Variants in UBE2R2 observed in about 807,000 individuals in gnomAD.
UBE2R2 encodes the protein ubiquitin conjugating enzyme E2 R2.
UBE2R2 carries 1 observed loss-of-function variant against 27.8 expected under a neutral mutation model. The ratio of observed to expected loss-of-function variants is 0.04; its 90% CI spans 0.01 to 0.17. The LOEUF (loss-of-function observed/expected upper bound fraction) is 0.17. UBE2R2 is among the 10% of genes least tolerant of loss of function. UBE2R2 has a pLI of 1.00. For missense variants in UBE2R2, 100 were observed against 291.0 expected (o/e 0.34, Z 4.78); for synonymous variants, 106 against 113.3 (o/e 0.94, Z 0.41).
intron 1 of UBE2R2, among the ~76,000 whole-genome samples, chr9:33,819,496 A>G (rs1825924059): frequency 6.6e-6 from 1 of 152,234 alleles, no homozygotes; most frequent in African/African-American, 2.4e-5. Flanking sequence ...GGTATTTAAA[A>G]TTACTAAGAA....
At position 33,839,426 on chromosome 9, in the gene UBE2R2, C is replaced by T. The variant is rs968821115; in HGVS notation, c.177+21492C>T. Among the ~76,000 whole-genome samples the T allele has an allele frequency of 2.4e-4, 37 of 152,008 alleles. 1 individual carries two copies. The highest frequency in any genetic ancestry group is 1.1e-3 in the Admixed American group (17 of 15,236). ...CTAATTTTTGTATTTTTAGTAGAGACGGAGTTTCGCCATGATGGCCAGGCT... is the reference window on the plus strand; with the variant it reads ...CTAATTTTTGTATTTTTAGTAGAGATGGAGTTTCGCCATGATGGCCAGGCT... On this transcript the variant is annotated intron_variant, in intron 1 of 4. Transcript: ENST00000263228.
At chr9:33,833,251 C>T (rs1280162124) in intron 1 of UBE2R2, among the ~76,000 whole-genome samples, 1 of 152,040 alleles carries the variant, frequency 6.6e-6, no homozygotes, top group Non-Finnish European at 1.5e-5. Flanking sequence ...ATTTTTAGTA[C>T]AGACGGGGTT....
At position 33,870,688 on chromosome 9, in the gene UBE2R2, C is replaced by T. The variant is rs7855920; in HGVS notation, c.178-16193C>T. ...TCATAGATGACTGGAAAATTATCTA[C>T]TCCTCAATAAATAGGTCATATGCAT... On this transcript the variant is annotated intron_variant, in intron 1 of 4. Coordinates refer to ENST00000263228, the MANE Select transcript of UBE2R2 (RefSeq NM_017811.4). Among the ~76,000 whole-genome samples, 6 of 152,198 alleles carry T rather than the reference C, an allele frequency of 3.9e-5. No individual in the cohort carries two copies. In the East Asian group the frequency reaches 1.2e-3, roughly 29 times the overall value.
chr9:33,819,114 A>AT (rs1321175006), intron 1 of UBE2R2, among the ~76,000 whole-genome samples: 2 of 152,060 alleles, frequency 1.3e-5, no homozygotes, highest in Non-Finnish European at 2.9e-5. Context: ...ATTTAGTTTT[A>AT]TTTTTTTATT....
intron 3 of UBE2R2, among the ~76,000 whole-genome samples, chr9:33,907,625 G>A (rs1164259209): frequency 1.3e-5 from 2 of 152,130 alleles, no homozygotes; most frequent in Non-Finnish European, 2.9e-5. Context: ...TCTTGTGGAG[G>A]GGCGGGGAAA....
chr9:33,871,624 G>A (rs757702643), intron 1 of UBE2R2, among the ~76,000 whole-genome samples: 2 of 152,210 alleles, frequency 1.3e-5, no homozygotes, highest in Non-Finnish European at 2.9e-5. Flanking sequence ...CAAAAAAGAT[G>A]TAAGGAGTTG....
At chr9:33,907,658 T>G (rs532886203) in intron 3 of UBE2R2, among the ~76,000 whole-genome samples, 17 of 152,258 alleles carry the variant, frequency 1.1e-4, no homozygotes, top group African/African-American at 4.1e-4. Flanking sequence ...ACAGTTATTC[T>G]TTATAGGAAC....
At chr9:33,871,401 G>A (rs1272959271) in intron 1 of UBE2R2, among the ~76,000 whole-genome samples, 1 of 152,108 alleles carries the variant, frequency 6.6e-6, no homozygotes, top group Non-Finnish European at 1.5e-5. Flanking sequence ...TTCATTGAGG[G>A]TACACTTAGT....
chr9:33,899,413 T>TG (rs1199576329), intron 2 of UBE2R2, among the ~76,000 whole-genome samples: 1 of 150,914 alleles, frequency 6.6e-6, no homozygotes. Context: ...CTCCCTCTGT[T>TG]GCCCAGGATG....
rs1294581322 is a variant in UBE2R2 at position 33,871,915 on chromosome 9, T to C, written c.178-14966T>C. On this transcript the variant is annotated intron_variant, in intron 1 of 4. Transcript: ENST00000263228. ...TTTTAGTAGAGACGTGTTTTCACCA[T>C]GTTAGCCAGGATGGTCTCCATTTCC... Among the ~76,000 whole-genome samples, 4 of 152,212 alleles carry C rather than the reference T, an allele frequency of 2.6e-5. No individual in the cohort carries two copies. In the South Asian group the frequency reaches 8.3e-4, roughly 32 times the overall value.
At chr9:33,839,725 G>T (rs1377896070) in intron 1 of UBE2R2, among the ~76,000 whole-genome samples, 1 of 152,190 alleles carries the variant, frequency 6.6e-6, no homozygotes, top group Non-Finnish European at 1.5e-5. Flanking sequence ...GCTAGGAGTG[G>T]TGGCTCATGC....
intron 1 of UBE2R2, among the ~76,000 whole-genome samples, chr9:33,823,067 G>C (rs1265423015): frequency 6.6e-6 from 1 of 151,492 alleles, no homozygotes; most frequent in South Asian, 2.1e-4. Context: ...ACCATGCCTG[G>C]CTAATTTTTG....
chr9:33,836,757 C>CA (rs776570301), intron 1 of UBE2R2, among the ~76,000 whole-genome samples: 2,062 of 147,972 alleles, frequency 0.014, 22 homozygotes, highest in Non-Finnish European at 0.019. Flanking sequence ...ACTCTTATCT[C>CA]AAAAAAAAAA....
At chr9:33,821,309 C>T (rs573592271) in intron 1 of UBE2R2, among the ~76,000 whole-genome samples, 5 of 152,072 alleles carry the variant, frequency 3.3e-5, no homozygotes, top group East Asian at 1.9e-4. Context: ...TGACTACGCC[C>T]GGCTAATTTT....
intron 1 of UBE2R2, among the ~76,000 whole-genome samples, chr9:33,881,001 G>A (rs1821721210): frequency 6.6e-6 from 1 of 152,184 alleles, no homozygotes; most frequent in Admixed American, 6.6e-5. Flanking sequence ...GCTTTAGACT[G>A]TTGAGAGAGA....
At chr9:33,844,437 C>G (rs1387209199) in intron 1 of UBE2R2, among the ~76,000 whole-genome samples, 1 of 151,562 alleles carries the variant, frequency 6.6e-6, no homozygotes, top group East Asian at 1.9e-4. Flanking sequence ...CTCCTGACTT[C>G]AGATGATCCG....
rs71943200 is a variant in UBE2R2 at position 33,839,081 on chromosome 9, C to CA, written c.177+21164dup. On this transcript the variant is annotated intron_variant, in intron 1 of 4. Transcript: ENST00000263228. The stretch of plus-strand genomic sequence containing the variant: ...TAGGCAACAGAGCGAGGCACTGTCT[C>CA]AAAAAAAAAAAAAAAAAGTTGCTGT... Among the ~76,000 whole-genome samples, 1,275 of 128,248 alleles carry CA rather than the reference C, an allele frequency of 9.9e-3. 7 individuals carry two copies. The highest frequency in any genetic ancestry group is 0.014 in the Non-Finnish European group (856 of 59,884). 84.1% of individuals were successfully genotyped at this position (128,248 alleles called of 152,430 possible). A position where few individuals can be genotyped will look rare whatever the true frequency, so the allele number is the denominator to read the frequency against.
intron 1 of UBE2R2, among the ~76,000 whole-genome samples, chr9:33,841,800 G>A (rs10971733): frequency 0.2 from 30,002 of 151,742 alleles, 3,243 homozygotes; most frequent in South Asian, 0.33. Context: ...TTAATTACTC[G>A]CTTGTTTTCT....
At chr9:33,815,844 C>T (rs10971711), upstream of UBE2R2, among the ~76,000 whole-genome samples, 30,589 of 152,104 alleles carry the variant, frequency 0.2, 3,708 homozygotes, top group East Asian at 0.55. Flanking sequence ...CCAGTCACTA[C>T]GCTAAATGCT....
Sources: allele counts gnomAD v4.1 joint callset (sites outside exome capture counted in the v4.1 genomes callset), GRCh38; gene constraint gnomAD v4.1.1; transcripts MANE v1.5; gene names NCBI Gene and HGNC (gene_info 2026-07-23, HGNC 2026-07-21).